DOCK5: variants seen among roughly 807,000 people sequenced by gnomAD.
DOCK5 encodes dedicator of cytokinesis protein 5.
A neutral mutation model predicts 251.8 loss-of-function variants in DOCK5; 142 were observed. That is an observed-to-expected ratio of 0.56 (90% CI 0.49 to 0.65). The LOEUF (loss-of-function observed/expected upper bound fraction) is 0.65, where lower values mean the gene tolerates loss of function less well. Among genes scored for constraint, DOCK5 ranks in the 30% least tolerant of loss-of-function variants. DOCK5 has a pLI of 0.00. For synonymous variants in DOCK5, 842 were observed against 835.5 expected, an observed-to-expected ratio of 1.01 and a Z score of -0.13; for missense variants, 2,111 against 2,312.3, an observed-to-expected ratio of 0.91 and a Z score of 1.79.
intron 13 of DOCK5, among the ~76,000 whole-genome samples, chr8:25,314,506 G>C (rs1805184589): frequency 6.6e-6 from 1 of 151,826 alleles, no homozygotes; most frequent in African/African-American, 2.4e-5. Context: ...CACCTCTCTT[G>C]TGTTTTATCT....
chr8:25,373,596 TG>T, intron 35 of DOCK5, 21 bp from the exon 36 acceptor site: 1 of 1,549,942 alleles, frequency 6.5e-7, no homozygotes, highest in Non-Finnish European at 8.7e-7. Context: ...TGGGATTCTG[TG>T]ATCCTTTTTT....
intron 18 of DOCK5, among the ~76,000 whole-genome samples, 183 bp from the exon 19 acceptor site, chr8:25,332,068 G>A (rs1296867991): frequency 6.6e-6 from 1 of 152,144 alleles, no homozygotes; most frequent in Non-Finnish European, 1.5e-5. Context: ...TTTGAAGAAT[G>A]AAAGAGGACC....
intron 1 of DOCK5, among the ~76,000 whole-genome samples, chr8:25,199,440 G>GT (rs1563305127): frequency 7.0e-6 from 1 of 142,256 alleles, no homozygotes; most frequent in African/African-American, 2.6e-5. Context: ...CTGGAGTGCA[G>GT]TGGCACCATC....
intron 1 of DOCK5, among the ~76,000 whole-genome samples, chr8:25,234,303 A>G (rs190047302): frequency 2.0e-5 from 3 of 152,356 alleles, no homozygotes; most frequent in East Asian, 3.9e-4. Context: ...ATTTCTGTCT[A>G]TAACAGAGTC....
At chr8:25,300,449 C>T (rs749657624) in intron 8 of DOCK5, 127 bp from the exon 9 acceptor site, 12 of 763,058 alleles carry the variant, frequency 1.6e-5, no homozygotes, top group Admixed American at 1.1e-4. Flanking sequence ...GTTTTCACAC[C>T]GGCCTGTTGA....
chr8:25,323,995 A>T, intron 17 of DOCK5, 44 bp downstream of exon 17: 1 of 1,525,448 alleles, frequency 6.6e-7, no homozygotes, highest in Non-Finnish European at 8.9e-7. Flanking sequence ...TCCCTTTCAA[A>T]TGAGCATTTA....
At position 25,412,877 on chromosome 8, in the gene DOCK5, TC is replaced by T. The variant is rs1801655391; in HGVS notation, c.*1580del. The T allele has an allele frequency of 2.0e-5, 3 of 152,194 alleles. No homozygotes were observed. Among genetic ancestry groups the T allele is most frequent in the African/African-American group, 7.2e-5 (3 of 41,422 alleles). The allele number at this position is 152,194 out of a possible 1,614,324, so 9.4% of individuals were successfully genotyped here. On this transcript the variant is annotated 3_prime_UTR_variant, in exon 52 of 52. Transcript: ENST00000276440. ...TCATGAGGGTCAGGGAAGCAAAAGC[TC>T]TCAGATGTGTCCAGGGCGTTACTTA...
intron 2 of DOCK5, among the ~76,000 whole-genome samples, chr8:25,263,503 G>A (rs916046388): frequency 1.3e-5 from 2 of 151,810 alleles, no homozygotes; most frequent in Non-Finnish European, 2.9e-5. Flanking sequence ...TTCTATAATA[G>A]TAAGAAACCT....
chr8:25,386,885 G>T (rs528344908), intron 40 of DOCK5, among the ~76,000 whole-genome samples: 1 of 152,178 alleles, frequency 6.6e-6, no homozygotes, highest in South Asian at 2.1e-4. Context: ...TTTCTGATCC[G>T]TAATTTAGAA....
intron 1 of DOCK5, among the ~76,000 whole-genome samples, chr8:25,220,958 A>G (rs1031179598): frequency 6.6e-6 from 1 of 151,726 alleles, no homozygotes; most frequent in Non-Finnish European, 1.5e-5. Flanking sequence ...GGAGTGGAGA[A>G]GGGATTGTTA....
At chr8:25,402,042 A>G (rs1203049198) in intron 47 of DOCK5, among the ~76,000 whole-genome samples, 1 of 152,150 alleles carries the variant, frequency 6.6e-6, no homozygotes, top group Non-Finnish European at 1.5e-5. Context: ...CCAGTGAGTG[A>G]TGGTGTAATA....
intron 13 of DOCK5, among the ~76,000 whole-genome samples, chr8:25,314,712 A>T (rs1805195424): frequency 6.7e-6 from 1 of 148,314 alleles, no homozygotes; most frequent in Admixed American, 6.7e-5. Context: ...CCATCCACGT[A>T]CCCAACCTCT....
chr8:25,346,313 A>G (rs1800365828), intron 26 of DOCK5, among the ~76,000 whole-genome samples: 1 of 151,982 alleles, frequency 6.6e-6, no homozygotes, highest in Non-Finnish European at 1.5e-5. Flanking sequence ...AAAAAATAAT[A>G]ATAATAATAA....
intron 28 of DOCK5, among the ~76,000 whole-genome samples, chr8:25,360,805 A>G (rs1206367461): frequency 6.6e-6 from 1 of 152,186 alleles, no homozygotes; most frequent in Non-Finnish European, 1.5e-5. Context: ...AATTTCCTTC[A>G]GAGAGCAGGC....
At chr8:25,375,305 TTC>T (rs1800944678) in intron 37 of DOCK5, 1 of 156,998 alleles carries the variant, frequency 6.4e-6, no homozygotes, top group African/African-American at 2.4e-5. Context: ...CATCTTCAAT[TTC>T]TCTCTTTTAC....
chr8:25,301,015 C>T (rs1427970534), intron 9 of DOCK5, among the ~76,000 whole-genome samples: 3 of 152,082 alleles, frequency 2.0e-5, no homozygotes, highest in Non-Finnish European at 4.4e-5. Context: ...GTCTGTGCAA[C>T]ATGGTAAAAC....
In DOCK5 at chr8:25,397,379, A is replaced by G. The variant is rs774443025; in HGVS notation, c.4704+1660A>G. On this transcript the variant is annotated intron_variant, in intron 45 of 51. Transcript: ENST00000276440. ...GGTTTTCTTCCTGCCTACTTGGAGC[A>G]GACGGTGTAATTGGAATGTTCTTCA... Among the ~76,000 whole-genome samples the G allele has an allele frequency of 2.0e-5, 3 of 152,238 alleles. No homozygotes were observed. The South Asian group carries it at 6.2e-4, about 32-fold the overall frequency.
rs575055410 is a variant in DOCK5, at chr8:25,316,935, A to T, written c.1319-72A>T. 3 of 1,577,054 alleles carry T rather than the reference A, an allele frequency of 1.9e-6. No homozygotes were observed. The South Asian group carries it at 3.4e-5, about 18-fold the overall frequency. Reference sequence around the variant, plus strand: ...CCATTTCGTGTTGTCTTTACCTTTTATGTCGTATGACATTCTGAAACTTAG... The same window carrying T: ...CCATTTCGTGTTGTCTTTACCTTTTTTGTCGTATGACATTCTGAAACTTAG... On this transcript the variant is annotated intron_variant, in intron 13 of 51. Transcript: ENST00000276440.
intron 44 of DOCK5, 143 bp downstream of exon 44, chr8:25,393,025 G>C (rs550742977): frequency 3.2e-5 from 22 of 681,952 alleles, no homozygotes; most frequent in African/African-American, 1.1e-4. Context: ...GAAATAAAAG[G>C]CATGCTTATA....
Sources: gnomAD v4.1 joint callset for allele counts (sites outside exome capture counted in the v4.1 genomes callset) on GRCh38, gnomAD v4.1.1 for gene constraint, MANE v1.5 for transcripts, NCBI Gene and HGNC (gene_info 2026-07-23, HGNC 2026-07-21) for gene names.